The following MYO10 variants were observed in gnomAD, a reference collection of about 807,000 sequenced individuals.
MYO10 encodes the protein myosin X, also known as unconventional myosin-X.
Under a neutral mutation model 257.3 loss-of-function variants are expected in MYO10, and 133 were observed. The observed-to-expected ratio is 0.52, with a 90% CI of 0.45 to 0.60. The LOEUF (loss-of-function observed/expected upper bound fraction) is 0.60. Ranked by LOEUF, MYO10 falls within the 20% of genes least tolerant of loss-of-function variation. The pLI is 0.00. For missense variants in MYO10, 2,399 were observed against 2,635.7 expected (o/e 0.91, Z 1.97); for synonymous variants, 1,104 against 1,028.6 (o/e 1.07, Z -1.40).
intron 3 of MYO10, among the ~76,000 whole-genome samples, chr5:16,795,673 T>C (rs1176480395): frequency 6.6e-6 from 1 of 152,188 alleles, no homozygotes; most frequent in Non-Finnish European, 1.5e-5. Context: ...TATTTATTTT[T>C]ATTTTTAATT....
Position 16,847,123 on chromosome 5 carries a change from G to GA in MYO10, c.121-28957dup, listed in dbSNP as rs879770356. 1.5e-3 allele frequency among the ~76,000 whole-genome samples: 209 copies of GA among 142,802 alleles called. 3 individuals carry two copies. The highest frequency in any genetic ancestry group is 0.012 in the South Asian group (55 of 4,468). 93.7% of individuals were successfully genotyped at this position (142,802 alleles called of 152,430 possible). A position where few individuals can be genotyped will look rare whatever the true frequency, so the allele number is the denominator to read the frequency against. On this transcript the variant is annotated intron_variant, in intron 2 of 40. Transcript: ENST00000513610. ...ATAGAGTGAGACTCTGTCTCCAAAGGAAAAAAAAAAGTATTTAAAAATTGC... is the reference window on the plus strand; with the variant it reads ...ATAGAGTGAGACTCTGTCTCCAAAGGAAAAAAAAAAAGTATTTAAAAATTGC...
At chr5:16,748,621 A>AGGGAGGGAGGGAGGGAGG (rs1560963927) in intron 19 of MYO10, among the ~76,000 whole-genome samples, 33 of 135,496 alleles carry the variant, frequency 2.4e-4, no homozygotes, top group African/African-American at 8.8e-4. Flanking sequence ...AGAGAGGGAG[A>AGGGAGGGAGGGAGGGAGG]GAGGGAGGGA....
At chr5:16,677,111 C>T (rs1736762816) in intron 33 of MYO10, among the ~76,000 whole-genome samples, 2 of 151,998 alleles carry the variant, frequency 1.3e-5, no homozygotes, top group Admixed American at 6.6e-5. Flanking sequence ...CTAAAATGGT[C>T]ATCTGGATAT....
intron 19 of MYO10, among the ~76,000 whole-genome samples, chr5:16,753,485 T>G (rs1740441809): frequency 7.7e-6 from 1 of 130,100 alleles, no homozygotes. Flanking sequence ...TTTTTTTTTT[T>G]TTGGGAGACA....
chr5:16,708,811 C>T (rs1738464266), intron 21 of MYO10, among the ~76,000 whole-genome samples: 1 of 152,190 alleles, frequency 6.6e-6, no homozygotes, highest in Admixed American at 6.5e-5. Context: ...GATCCTTCTG[C>T]CTCAGCCTCC....
intron 19 of MYO10, among the ~76,000 whole-genome samples, chr5:16,750,926 C>T (rs1287256471): frequency 2.0e-5 from 3 of 152,086 alleles, no homozygotes; most frequent in African/African-American, 4.8e-5. Flanking sequence ...ACTCGGGAGA[C>T]GGAGGTTGTG....
At chr5:16,761,128 T>C (rs112538844) in intron 17 of MYO10, among the ~76,000 whole-genome samples, 30,041 of 151,942 alleles carry the variant, frequency 0.2, 3,246 homozygotes, top group South Asian at 0.31. Flanking sequence ...GTAGCTGGGA[T>C]TACAGGTGCC....
intron 1 of MYO10, among the ~76,000 whole-genome samples, chr5:16,886,359 G>A (rs776492350): frequency 7.2e-5 from 11 of 152,262 alleles, no homozygotes; most frequent in African/African-American, 2.4e-4. Flanking sequence ...AATTATAGAC[G>A]TTTGTTCTCT....
chr5:16,775,455 G>T (rs1312062347), intron 9 of MYO10, among the ~76,000 whole-genome samples: 1 of 152,098 alleles, frequency 6.6e-6, no homozygotes, highest in African/African-American at 2.4e-5. Flanking sequence ...TTGAGACAGG[G>T]TCTTACTCTG....
At chr5:16,674,637 C>T (rs1736638884) in intron 35 of MYO10, among the ~76,000 whole-genome samples, 2 of 151,540 alleles carry the variant, frequency 1.3e-5, no homozygotes, top group African/African-American at 2.4e-5. Context: ...GGACATTACA[C>T]CAACGGTGAC....
At chr5:16,901,539 C>T (rs567132060) in intron 1 of MYO10, among the ~76,000 whole-genome samples, 1 of 152,150 alleles carries the variant, frequency 6.6e-6, no homozygotes, top group Admixed American at 6.5e-5. Context: ...CTTCACCTTT[C>T]GCGTCCAACT....
intron 19 of MYO10, among the ~76,000 whole-genome samples, chr5:16,731,645 G>A (rs1480078226): frequency 6.6e-6 from 1 of 152,192 alleles, no homozygotes; most frequent in East Asian, 1.9e-4. Flanking sequence ...CACCACGCCA[G>A]GCCAAAACAT....
chr5:16,874,333 A>T (rs1489192239), intron 2 of MYO10, among the ~76,000 whole-genome samples: 10 of 58,060 alleles, frequency 1.7e-4, no homozygotes, highest in African/African-American at 5.9e-4. Context: ...GACTCCATCT[A>T]AAAAAAAAAG....
At chr5:16,784,983 T>A (rs1683481365) in intron 4 of MYO10, among the ~76,000 whole-genome samples, 1 of 125,410 alleles carries the variant, frequency 8.0e-6, no homozygotes, top group African/African-American at 3.0e-5. Flanking sequence ...AAGGGTACTG[T>A]GGGCTCCTAG....
At chr5:16,704,010 G>C (rs1399059618) in intron 22 of MYO10, among the ~76,000 whole-genome samples, 1 of 151,712 alleles carries the variant, frequency 6.6e-6, no homozygotes, top group Non-Finnish European at 1.5e-5. Context: ...ACCTGACGCA[G>C]AGGAAGTAAG....
chr5:16,702,820 T>C (rs1738145353), intron 23 of MYO10, 105 bp downstream of exon 23: 11 of 1,101,110 alleles, frequency 1.0e-5, no homozygotes, highest in Non-Finnish European at 1.3e-5. Context: ...TTTCAAATTG[T>C]AGGTTCTGGG....
intron 2 of MYO10, among the ~76,000 whole-genome samples, chr5:16,821,261 C>T (rs1182603620): frequency 1.3e-5 from 2 of 148,654 alleles, no homozygotes; most frequent in Non-Finnish European, 3.0e-5. Context: ...CCTATGTGTA[C>T]CTCCTATGTG....
chr5:16,769,945 TTG>T, intron 9 of MYO10, among the ~76,000 whole-genome samples: 1 of 152,110 alleles, frequency 6.6e-6, no homozygotes, highest in Non-Finnish European at 1.5e-5. Flanking sequence ...TTGTTTTGTT[TTG>T]TTTGTAGAGA....
chr5:16,823,788 G>A (rs1022493058), intron 2 of MYO10, among the ~76,000 whole-genome samples: 8 of 150,510 alleles, frequency 5.3e-5, no homozygotes, highest in Non-Finnish European at 8.9e-5. Flanking sequence ...GGGGGGCGGG[G>A]GGCGGTTATT....
Sources: gnomAD v4.1 joint callset for allele counts (sites outside exome capture counted in the v4.1 genomes callset) on GRCh38, gnomAD v4.1.1 for gene constraint, MANE v1.5 for transcripts, NCBI Gene and HGNC (gene_info 2026-07-23, HGNC 2026-07-21) for gene names.